CDH13: variants seen among roughly 807,000 people sequenced by gnomAD.
The protein encoded by CDH13 is cadherin 13, also known as cadherin-13.
In CDH13, 24 loss-of-function variants were observed where a neutral mutation model predicts 63.8. The observed-to-expected ratio is 0.38, with a 90% confidence interval of 0.27 to 0.53. The LOEUF is 0.53. Among genes scored for constraint, CDH13 ranks in the 20% least tolerant of loss-of-function variants. The pLI is 0.85. For missense variants in CDH13, 1,049 were observed against 903.1 expected, an observed-to-expected ratio of 1.16 and a Z score of -2.07; for synonymous variants, 503 against 355.3, an observed-to-expected ratio of 1.42 and a Z score of -4.67.
At chr16:83,637,462 C>T (rs1460800276) in intron 8 of CDH13, among the ~76,000 whole-genome samples, 2 of 77,840 alleles carry the variant, frequency 2.6e-5, no homozygotes, top group Non-Finnish European at 5.0e-5. Context: ...ATTGCCTCAC[C>T]TGGGAAGCGC....
At chr16:83,624,959 T>A (rs1910150078) in intron 8 of CDH13, among the ~76,000 whole-genome samples, 1 of 152,226 alleles carries the variant, frequency 6.6e-6, no homozygotes, top group African/African-American at 2.4e-5. Context: ...GGAGAGCTGA[T>A]TGCCGCATGT....
chr16:82,720,358 G>A (rs750177026), intron 1 of CDH13, among the ~76,000 whole-genome samples: 2 of 152,106 alleles, frequency 1.3e-5, no homozygotes, highest in Non-Finnish European at 1.5e-5. Context: ...TACTTCATGA[G>A]TTTTTGTTTT....
rs77117888 is a variant in CDH13, at chr16:83,022,359, A to G, written c.158-9651A>G. 9.0e-3 allele frequency among the ~76,000 whole-genome samples: 1,366 copies of G among 152,288 alleles called. 9 individuals are homozygous for G. The highest frequency in any genetic ancestry group is 0.012 in the Non-Finnish European group (835 of 68,024). On this transcript the variant is annotated intron_variant, in intron 2 of 13. Transcript: ENST00000567109. Reference sequence around the variant, plus strand: ...CTCTCCATCTCAGGCAAAACAGACAATCTACATTCTTATGCTCTGGGGCAG... The same window carrying G: ...CTCTCCATCTCAGGCAAAACAGACAGTCTACATTCTTATGCTCTGGGGCAG...
At chr16:83,498,822 A>G (rs943877570) in intron 7 of CDH13, among the ~76,000 whole-genome samples, 2 of 152,184 alleles carry the variant, frequency 1.3e-5, no homozygotes, top group Admixed American at 6.5e-5. Context: ...CATTCTCATC[A>G]GGCCATAGGC....
intron 7 of CDH13, among the ~76,000 whole-genome samples, chr16:83,488,075 C>G (rs181127294): frequency 1.3e-5 from 2 of 152,330 alleles, no homozygotes; most frequent in East Asian, 1.9e-4. Context: ...AGAGTAACCA[C>G]TAGTCACATG....
Position 82,628,843 on chromosome 16 carries a change from C to T in CDH13, c.45+1706C>T, listed in dbSNP as rs542503372. 2.0e-5 allele frequency among the ~76,000 whole-genome samples: 3 copies of T among 152,226 alleles called. No homozygotes were observed. The East Asian group carries it at 5.8e-4, about 29-fold the overall frequency. On this transcript the variant is annotated intron_variant, in intron 1 of 13. Coordinates refer to ENST00000567109, the MANE Select transcript of CDH13 (RefSeq NM_001257.5). The stretch of plus-strand genomic sequence containing the variant: ...TCAGACAGATCCTTCCTGCCATCTG[C>T]TAGTGGTACCAACCCGGGCAAGTTG...
intron 8 of CDH13, among the ~76,000 whole-genome samples, chr16:83,645,233 C>T (rs1003754948): frequency 6.6e-6 from 1 of 152,188 alleles, no homozygotes; most frequent in African/African-American, 2.4e-5. Flanking sequence ...GAATGAAATC[C>T]TGTCCTTTGC....
chr16:83,447,558 C>A (rs1288236349), intron 6 of CDH13, among the ~76,000 whole-genome samples: 1 of 151,920 alleles, frequency 6.6e-6, no homozygotes, highest in South Asian at 2.1e-4. Flanking sequence ...TTGAGCTGGG[C>A]GGGGCAGATG....
chr16:83,405,676 C>T (rs531594233), intron 6 of CDH13, among the ~76,000 whole-genome samples: 2 of 152,154 alleles, frequency 1.3e-5, no homozygotes, highest in Admixed American at 6.5e-5. Context: ...AATATTTTAG[C>T]GAATATTTTT....
At chr16:83,299,392 A>G (rs1386759736) in intron 5 of CDH13, among the ~76,000 whole-genome samples, 1 of 152,102 alleles carries the variant, frequency 6.6e-6, no homozygotes, top group Non-Finnish European at 1.5e-5. Context: ...GTCACAAATC[A>G]GTAGGTTTGG....
At chr16:82,857,577 G>A (rs905940038) in intron 1 of CDH13, among the ~76,000 whole-genome samples, 63 of 152,110 alleles carry the variant, frequency 4.1e-4, no homozygotes, top group African/African-American at 1.4e-3. Context: ...ATTTTTGACC[G>A]CTGGATGAAG....
At chr16:82,856,452 G>C (rs62035200) in intron 1 of CDH13, among the ~76,000 whole-genome samples, 1 of 149,504 alleles carries the variant, frequency 6.7e-6, no homozygotes, top group Non-Finnish European at 1.5e-5. Context: ...CTGTAGTCTT[G>C]GCACTTTGGG....
chr16:83,526,691 C>G (rs555391455), intron 7 of CDH13, among the ~76,000 whole-genome samples: 31 of 152,336 alleles, frequency 2.0e-4, no homozygotes, highest in African/African-American at 7.5e-4. Flanking sequence ...TTTGCTGCCA[C>G]TGTTTAAACA....
intron 7 of CDH13, among the ~76,000 whole-genome samples, chr16:83,539,047 A>T (rs9926543): frequency 6.6e-6 from 1 of 151,938 alleles, no homozygotes; most frequent in African/African-American, 2.4e-5. Context: ...GTCATCTGGC[A>T]TACAAAGTGT....
chr16:83,427,960 G>A (rs569579463), intron 6 of CDH13, among the ~76,000 whole-genome samples: 1 of 152,352 alleles, frequency 6.6e-6, no homozygotes, highest in South Asian at 2.1e-4. Flanking sequence ...TGTGAATGGC[G>A]ACAGAAAAGC....
At position 83,800,313 on chromosome 16, in the gene CDH13, A is replaced by G. The variant is rs1904312211; in HGVS notation, c.*5283A>G. ...TAAAGCCATTCTATATCTGTCGTAC[A>G]CATGAATTCAGACTATTATTAGAGA... On this transcript the variant is annotated 3_prime_UTR_variant, in exon 14 of 14. Transcript: ENST00000567109. 1 of 152,218 alleles carries G rather than the reference A, an allele frequency of 6.6e-6. No homozygotes were observed. The highest frequency in any genetic ancestry group is 1.5e-5 in the Non-Finnish European group (1 of 68,040). The allele number at this position is 152,218 out of a possible 1,614,324, so 9.4% of individuals were successfully genotyped here.
intron 1 of CDH13, among the ~76,000 whole-genome samples, chr16:82,804,274 G>T (rs962285583): frequency 4.4e-5 from 4 of 91,696 alleles, no homozygotes; most frequent in Non-Finnish European, 2.0e-5. Flanking sequence ...AGGGGATCTT[G>T]CTACACACAC....
intron 1 of CDH13, among the ~76,000 whole-genome samples, chr16:82,655,566 T>C (rs1427116253): frequency 6.6e-6 from 1 of 151,880 alleles, no homozygotes; most frequent in African/African-American, 2.4e-5. Context: ...CGTGTGATGC[T>C]GAGAGTGATG....
intron 10 of CDH13, among the ~76,000 whole-genome samples, chr16:83,699,807 A>C (rs542946437): frequency 6.6e-6 from 1 of 152,254 alleles, no homozygotes. Flanking sequence ...CCTTCTCAGC[A>C]TCCCATCCGT....
Sources: gnomAD v4.1 joint callset for allele counts (sites outside exome capture counted in the v4.1 genomes callset) on GRCh38, gnomAD v4.1.1 for gene constraint, MANE v1.5 for transcripts, NCBI Gene and HGNC (gene_info 2026-07-23, HGNC 2026-07-21) for gene names.